The following RNF157 variants were observed in gnomAD, a reference collection of about 807,000 sequenced individuals.
RNF157 encodes the protein E3 ubiquitin ligase RNF157.
RNF157 carries 55 observed loss-of-function variants against 88.3 expected under a neutral mutation model. That is an observed-to-expected ratio of 0.62 (90% CI 0.50 to 0.78). The LOEUF (loss-of-function observed/expected upper bound fraction) is 0.78, where lower values mean the gene tolerates loss of function less well. RNF157 is among the 30% of genes least tolerant of loss of function. The probability of loss-of-function intolerance (pLI) is 0.00; values close to 1 mark genes in which losing one functional copy is unlikely to be tolerated. For synonymous variants in RNF157, 334 were observed against 341.2 expected, an observed-to-expected ratio of 0.98 and a Z score of 0.23; for missense variants, 788 against 860.8, an observed-to-expected ratio of 0.92 and a Z score of 1.06.
chr17:76,186,966 A>C (rs192800155), intron 2 of RNF157, among the ~76,000 whole-genome samples: 112 of 151,530 alleles, frequency 7.4e-4, no homozygotes, highest in Middle Eastern at 3.4e-3. Flanking sequence ...TAAATAAATA[A>C]ATAAATAAAT....
At chr17:76,177,096 G>A (rs2069116205) in intron 2 of RNF157, among the ~76,000 whole-genome samples, 2 of 152,176 alleles carry the variant, frequency 1.3e-5, no homozygotes, top group Admixed American at 6.5e-5. Flanking sequence ...AACAGGCAGA[G>A]CTCATGGCGA....
chr17:76,165,508 A>G lies in RNF157; in HGVS notation c.666T>C (p.Phe222=). 1 of 1,613,992 alleles carries G rather than the reference A, an allele frequency of 6.2e-7. No individual in the cohort carries two copies. Among genetic ancestry groups the G allele is most frequent in the Non-Finnish European group, 8.5e-7 (1 of 1,179,838 alleles). Residue 222 remains phenylalanine, a synonymous_variant, in exon 7 of 19, where the codon TTT becomes TTC. Transcript: ENST00000269391. ...FGHCHVLLGT[F]EKHTDGTFCV... ...GCCCTCTAAAGTCACTCACCTTCTC[A>G]AAAGTACCCAGCAGTACATGGCAAT...
At chr17:76,173,535 C>A (rs999349563) in intron 3 of RNF157, among the ~76,000 whole-genome samples, 167 bp downstream of exon 3, 1 of 152,126 alleles carries the variant, frequency 6.6e-6, no homozygotes, top group African/African-American at 2.4e-5. Context: ...TGTGGACGGC[C>A]TGATCTCAGC....
At chr17:76,150,680 T>C (rs1261183897) in intron 18 of RNF157, among the ~76,000 whole-genome samples, 2 of 152,198 alleles carry the variant, frequency 1.3e-5, no homozygotes, top group East Asian at 3.9e-4. Context: ...CCAAATCCTT[T>C]CCATAGCCCT....
At chr17:76,213,409 A>T (rs1242507236) in intron 1 of RNF157, among the ~76,000 whole-genome samples, 2 of 151,828 alleles carry the variant, frequency 1.3e-5, no homozygotes, top group Non-Finnish European at 2.9e-5. Flanking sequence ...ATCTCTACTA[A>T]AAATACAAAA....
At chr17:76,226,365 A>G in intron 1 of RNF157, 1 of 1,596,664 alleles carries the variant, frequency 6.3e-7, no homozygotes, top group Non-Finnish European at 8.6e-7. Flanking sequence ...GGTTTTGTTA[A>G]ACTTTCTGGG....
intron 2 of RNF157, among the ~76,000 whole-genome samples, chr17:76,187,323 A>G (rs2069309128): frequency 1.3e-5 from 2 of 151,758 alleles, no homozygotes; most frequent in African/African-American, 4.8e-5. Context: ...AGCTGGGATT[A>G]CAGGTGCATG....
Position 76,146,790 on chromosome 17 carries a change from C to A in RNF157, c.1922-1437G>T, listed in dbSNP as rs1447653380. On this transcript the variant is annotated intron_variant, in intron 18 of 18. Transcript: ENST00000269391. This position sits in a 1 kb window ranked among gnomAD's most constrained non-coding sequence, Gnocchi z 4.2. ...TCCAGAGCCCAGCACAACACCTGAC[C>A]CATAGGAGGACCTGTTCAGCGGACA... 7.1e-6 allele frequency: 7 copies of A among 985,246 alleles called. No individual in the cohort carries two copies. In the African/African-American group the frequency reaches 1.2e-4, roughly 17 times the overall value. The allele number at this position is 985,246 out of a possible 1,614,324, so 61.0% of individuals were successfully genotyped here.
intron 4 of RNF157, among the ~76,000 whole-genome samples, chr17:76,167,436 GAAGA>G (rs927489925): frequency 1.7e-4 from 26 of 152,190 alleles, no homozygotes; most frequent in African/African-American, 6.0e-4. Context: ...GGGCTTTGTA[GAAGA>G]AAGTCTAAAT....
intron 1 of RNF157, among the ~76,000 whole-genome samples, chr17:76,239,477 G>C (rs980713510): frequency 6.6e-6 from 1 of 152,042 alleles, no homozygotes; most frequent in Non-Finnish European, 1.5e-5. Flanking sequence ...CTAGCAAAGG[G>C]GCAATCCGAG....
intron 2 of RNF157, among the ~76,000 whole-genome samples, chr17:76,187,342 C>A (rs2069309585): frequency 6.6e-6 from 1 of 150,856 alleles, no homozygotes; most frequent in African/African-American, 2.4e-5. Context: ...TGACACCATG[C>A]CCAGCTAATT....
intron 2 of RNF157, among the ~76,000 whole-genome samples, chr17:76,197,766 G>C (rs1394887036): frequency 6.6e-6 from 1 of 152,116 alleles, no homozygotes; most frequent in Admixed American, 6.5e-5. Context: ...ATTTCCTGCA[G>C]GCACAAGACC....
chr17:76,163,498 C>A (rs2068877525), intron 8 of RNF157: 1 of 152,188 alleles, frequency 6.6e-6, no homozygotes, highest in Admixed American at 6.6e-5. Context: ...CCCGGCCAGC[C>A]CTGTTTCTTA....
chr17:76,155,428 A>T (rs2068747962), intron 15 of RNF157, 111 bp from the exon 16 acceptor site: 1 of 1,444,660 alleles, frequency 6.9e-7, no homozygotes, highest in Non-Finnish European at 9.7e-7. Context: ...GACCTAAGGG[A>T]ATGCCTTGTT....
In RNF157 at chr17:76,156,335, G is replaced by A. The variant is rs748365960; in HGVS notation, c.1414-14C>T. The A allele has an allele frequency of 4.1e-5, 66 of 1,613,950 alleles. No individual in the cohort carries two copies. Among genetic ancestry groups the A allele is most frequent in the Non-Finnish European group, 5.1e-5 (60 of 1,179,936 alleles). On this transcript the variant is annotated splice_polypyrimidine_tract_variant and intron_variant, in intron 13 of 18. Transcript: ENST00000269391. ...CACACCACATTCCTGGGGGTTGTGGGGGGACACAACAGGACATGGAGCAAG... is the reference window on the plus strand; with the variant it reads ...CACACCACATTCCTGGGGGTTGTGGAGGGACACAACAGGACATGGAGCAAG...
In RNF157 at chr17:76,176,631, A is replaced by C. The variant is rs746120825; in HGVS notation, c.208-2841T>G. ...GGGGGGTCGCAGGGAGCAGACAGAC[A>C]GCCCCTCCACAGCTTGCCGCCCTGG... On this transcript the variant is annotated intron_variant, in intron 2 of 18. Transcript: ENST00000269391. This position sits in a 1 kb window ranked among gnomAD's most constrained non-coding sequence, Gnocchi z 4.2. Among the ~76,000 whole-genome samples the C allele has an allele frequency of 3.3e-5, 5 of 152,108 alleles. No homozygotes were observed. The highest frequency in any genetic ancestry group is 6.5e-5 in the Admixed American group (1 of 15,290).
chr17:76,195,575 G>A lies in RNF157; in HGVS notation c.207+16789C>T, dbSNP rs748066640. Among the ~76,000 whole-genome samples the A allele has an allele frequency of 6.6e-5, 10 of 151,874 alleles. No homozygotes were observed. The highest frequency in any genetic ancestry group is 2.0e-4 in the Admixed American group (3 of 15,236). Reference sequence around the variant, plus strand: ...AACAAAATACATGTAATAATAGAACGTTCATAGCAGCACTATGTGTAATAG... The same window carrying A: ...AACAAAATACATGTAATAATAGAACATTCATAGCAGCACTATGTGTAATAG... On this transcript the variant is annotated intron_variant, in intron 2 of 18. Transcript: ENST00000269391. The surrounding 1 kb of genome is among the most constrained non-coding windows in gnomAD (Gnocchi z 4.4).
chr17:76,151,911 C>G (rs1480912304), intron 18 of RNF157, among the ~76,000 whole-genome samples: 12 of 152,220 alleles, frequency 7.9e-5, no homozygotes, highest in Admixed American at 7.9e-4. Flanking sequence ...TCACATTCCT[C>G]TCTGATCCTA....
intron 2 of RNF157, among the ~76,000 whole-genome samples, chr17:76,191,936 G>C (rs891185909): frequency 1.3e-5 from 2 of 152,128 alleles, no homozygotes; most frequent in African/African-American, 4.8e-5. Flanking sequence ...TATTTGACTC[G>C]TAAGTCTTTG....
Sources: allele counts gnomAD v4.1 joint callset (sites outside exome capture counted in the v4.1 genomes callset), GRCh38; gene constraint gnomAD v4.1.1; non-coding constraint Gnocchi (gnomAD v3.1); transcripts MANE v1.5; gene names NCBI Gene and HGNC (gene_info 2026-07-23, HGNC 2026-07-21).